The following SMYD3 variants were observed in gnomAD, a reference collection of about 807,000 sequenced individuals.
SMYD3 encodes the protein histone-lysine N-methyltransferase SMYD3.
In SMYD3, 36 loss-of-function variants were observed where a neutral mutation model predicts 57.7. The observed-to-expected ratio is 0.62, with a 90% CI of 0.48 to 0.82. SMYD3 has a LOEUF of 0.82. Among genes scored for constraint, SMYD3 ranks in the 40% least tolerant of loss-of-function variants. The pLI, the probability that SMYD3 is intolerant of heterozygous loss-of-function variation, is 0.00. For synonymous variants in SMYD3, 211 were observed against 195.0 expected (o/e 1.08, Z -0.68); for missense variants, 515 against 538.8 (o/e 0.96, Z 0.44).
chr1:246,447,244 T>C (rs1035265660), intron 1 of SMYD3, among the ~76,000 whole-genome samples: 4 of 152,190 alleles, frequency 2.6e-5, no homozygotes, highest in South Asian at 2.1e-4. Flanking sequence ...ATCAGAGGAA[T>C]TGGGGAGGTA....
intron 5 of SMYD3, among the ~76,000 whole-genome samples, chr1:246,010,373 G>T (rs2059260469): frequency 6.6e-6 from 1 of 152,088 alleles, no homozygotes; most frequent in Non-Finnish European, 1.5e-5. Flanking sequence ...GCTTCTCCAT[G>T]CAGAGAAAGA....
intron 10 of SMYD3, among the ~76,000 whole-genome samples, chr1:245,787,676 A>G (rs2047102043): frequency 6.6e-6 from 1 of 152,144 alleles, no homozygotes; most frequent in African/African-American, 2.4e-5. Context: ...GGTGTTAATG[A>G]TTAATAATTT....
intron 5 of SMYD3, among the ~76,000 whole-genome samples, chr1:246,133,648 G>A (rs768328091): frequency 3.3e-5 from 5 of 152,010 alleles, no homozygotes; most frequent in Non-Finnish European, 7.4e-5. Context: ...GCAGGGGTGT[G>A]GCTTTATTAA....
intron 5 of SMYD3, among the ~76,000 whole-genome samples, chr1:245,931,514 G>T (rs756771774): frequency 2.6e-5 from 4 of 152,190 alleles, no homozygotes; most frequent in Non-Finnish European, 5.9e-5. Flanking sequence ...CAACAGTTCT[G>T]TTTTGGTTAA....
chr1:245,974,417 G>C (rs1299317095), intron 5 of SMYD3, among the ~76,000 whole-genome samples: 2 of 152,206 alleles, frequency 1.3e-5, no homozygotes, highest in South Asian at 2.1e-4. Flanking sequence ...AATGTATCTT[G>C]AATCTATTTC....
intron 10 of SMYD3, among the ~76,000 whole-genome samples, chr1:245,806,870 ACTG>A: frequency 7.6e-6 from 1 of 131,524 alleles, no homozygotes; most frequent in African/African-American, 3.0e-5. Context: ...AGATCGCGCC[ACTG>A]CAGTCCGCAA....
In SMYD3 at chr1:245,749,695, C is replaced by G. The variant is rs1249897988; in HGVS notation, c.1186-31G>C. ...GAGAAAGGACGGAAGAGAGATTAGACCCCAAAATAGGTGAGCTCAGGCCAT... is the reference window on the plus strand; with the variant it reads ...GAGAAAGGACGGAAGAGAGATTAGAGCCCAAAATAGGTGAGCTCAGGCCAT... On this transcript the variant is annotated intron_variant, in intron 11 of 11. Coordinates refer to ENST00000490107, the MANE Select transcript of SMYD3 (RefSeq NM_001167740.2). 9 of 1,576,674 alleles carry G rather than the reference C, an allele frequency of 5.7e-6. No homozygotes were observed. In the African/African-American group the frequency reaches 1.2e-4, roughly 21 times the overall value.
chr1:245,934,805 C>T (rs1289771823), intron 5 of SMYD3, among the ~76,000 whole-genome samples: 2 of 152,136 alleles, frequency 1.3e-5, no homozygotes, highest in African/African-American at 2.4e-5. Context: ...AACTACATTT[C>T]CCTTTGCCAG....
At chr1:246,186,581 A>C (rs1314373080) in intron 5 of SMYD3, among the ~76,000 whole-genome samples, 1 of 152,170 alleles carries the variant, frequency 6.6e-6, no homozygotes, top group African/African-American at 2.4e-5. Flanking sequence ...AGAATTTAGA[A>C]TTCTTGTTTA....
chr1:245,915,775 T>G, intron 7 of SMYD3, 135 bp from the exon 8 acceptor site: 1 of 546,710 alleles, frequency 1.8e-6, no homozygotes, highest in Non-Finnish European at 3.2e-6. Flanking sequence ...GAGAAGGTAC[T>G]GCTTATAGTT....
intron 10 of SMYD3, among the ~76,000 whole-genome samples, chr1:245,783,672 T>A (rs2046924033): frequency 1.3e-5 from 2 of 152,150 alleles, no homozygotes; most frequent in Non-Finnish European, 2.9e-5. Flanking sequence ...CATTTCTAGA[T>A]CTAATAAGTG....
At chr1:246,125,050 C>A (rs372815507) in intron 5 of SMYD3, among the ~76,000 whole-genome samples, 5 of 116,816 alleles carry the variant, frequency 4.3e-5, no homozygotes, top group Non-Finnish European at 6.6e-5. Flanking sequence ...CCAGCCTGGG[C>A]GACAGAGCGA....
chr1:246,219,151 C>G (rs2063212822), intron 5 of SMYD3, among the ~76,000 whole-genome samples: 1 of 152,152 alleles, frequency 6.6e-6, no homozygotes. Context: ...ACCTTCAAGC[C>G]TCAAACCATG....
chr1:246,240,745 T>C (rs1476326185), intron 5 of SMYD3, among the ~76,000 whole-genome samples: 2 of 152,224 alleles, frequency 1.3e-5, no homozygotes, highest in African/African-American at 4.8e-5. Context: ...CTTCCACTTG[T>C]TTGTGTCCTC....
chr1:245,873,672 A>G (rs2052340226), intron 8 of SMYD3, among the ~76,000 whole-genome samples: 1 of 152,240 alleles, frequency 6.6e-6, no homozygotes, highest in Non-Finnish European at 1.5e-5. Flanking sequence ...AAGCTGCCGC[A>G]GAACAGATTC....
At chr1:246,047,936 C>G (rs1456090712) in intron 5 of SMYD3, among the ~76,000 whole-genome samples, 1 of 151,888 alleles carries the variant, frequency 6.6e-6, no homozygotes, top group Non-Finnish European at 1.5e-5. Flanking sequence ...TTAAAAAAAC[C>G]TACATAGTCA....
chr1:246,122,958 T>C (rs1004914868), intron 5 of SMYD3, among the ~76,000 whole-genome samples: 1 of 152,234 alleles, frequency 6.6e-6, no homozygotes, highest in Non-Finnish European at 1.5e-5. Flanking sequence ...AGGGAAAACA[T>C]ACTTTGAGTT....
At chr1:246,039,024 G>A (rs1012326936) in intron 5 of SMYD3, among the ~76,000 whole-genome samples, 1 of 152,144 alleles carries the variant, frequency 6.6e-6, no homozygotes, top group Admixed American at 6.5e-5. Context: ...GTCTCTACCA[G>A]AGTTTAATAT....
intron 5 of SMYD3, among the ~76,000 whole-genome samples, chr1:246,260,353 G>A (rs1166837607): frequency 2.0e-5 from 3 of 152,248 alleles, no homozygotes; most frequent in Non-Finnish European, 4.4e-5. Context: ...TGTCGCAGAG[G>A]TTGTTTGCCA....
Sources: gnomAD v4.1 joint callset for allele counts (sites outside exome capture counted in the v4.1 genomes callset) on GRCh38, gnomAD v4.1.1 for gene constraint, MANE v1.5 for transcripts, NCBI Gene and HGNC (gene_info 2026-07-23, HGNC 2026-07-21) for gene names.